SLC30A8: variants seen among roughly 807,000 people sequenced by gnomAD.
SLC30A8 encodes the protein solute carrier family 30 member 8.
Under a neutral mutation model 36.9 loss-of-function variants are expected in SLC30A8, and 27 were observed. The observed-to-expected ratio is 0.73, with a 90% confidence interval of 0.54 to 1.01. The LOEUF (loss-of-function observed/expected upper bound fraction) is 1.01, where lower values mean the gene tolerates loss of function less well. SLC30A8 is among the 50% of genes least tolerant of loss of function. The pLI, the probability that SLC30A8 is intolerant of heterozygous loss-of-function variation, is 0.00. For missense variants in SLC30A8, 439 were observed against 452.0 expected (o/e 0.97, Z 0.26); for synonymous variants, 164 against 172.4 (o/e 0.95, Z 0.38).
At chr8:116,974,512 A>G (rs577857305) in intron 1 of SLC30A8, among the ~76,000 whole-genome samples, 3 of 152,260 alleles carry the variant, frequency 2.0e-5, no homozygotes, top group Admixed American at 6.5e-5. Flanking sequence ...AGTTAGAATG[A>G]TGATCATTAA....
chr8:116,976,661 A>T (rs1815022915), intron 1 of SLC30A8, among the ~76,000 whole-genome samples: 1 of 152,098 alleles, frequency 6.6e-6, no homozygotes, highest in Admixed American at 6.5e-5. Context: ...CGCAGAGGGC[A>T]ATTGACAGGG....
At chr8:117,045,778 T>G (rs777542340) in intron 2 of SLC30A8, among the ~76,000 whole-genome samples, 10 of 152,206 alleles carry the variant, frequency 6.6e-5, no homozygotes, top group Admixed American at 2.0e-4. Context: ...ACAAGCCATC[T>G]GTTTGTTTAA....
chr8:117,122,973 C>T (rs928539751), intron 2 of SLC30A8, among the ~76,000 whole-genome samples: 4 of 152,020 alleles, frequency 2.6e-5, no homozygotes, highest in Non-Finnish European at 5.9e-5. Flanking sequence ...ATATACACTG[C>T]ACTGGAGAGG....
At chr8:117,172,256 T>C (rs575287294) in intron 7 of SLC30A8, among the ~76,000 whole-genome samples, 2 of 152,158 alleles carry the variant, frequency 1.3e-5, no homozygotes, top group Non-Finnish European at 2.9e-5. Context: ...TTCCAGGGCT[T>C]GTCTCCCCTT....
intron 1 of SLC30A8, among the ~76,000 whole-genome samples, chr8:116,999,757 T>C (rs1335671987): frequency 6.6e-6 from 1 of 152,184 alleles, no homozygotes; most frequent in East Asian, 1.9e-4. Context: ...TGACATAGGC[T>C]TTAAAATAAT....
At chr8:116,989,839 A>G (rs1007545747) in intron 1 of SLC30A8, among the ~76,000 whole-genome samples, 1 of 152,206 alleles carries the variant, frequency 6.6e-6, no homozygotes, top group Non-Finnish European at 1.5e-5. Context: ...CAGTCTTCTG[A>G]TCACATTTGC....
At chr8:117,024,926 A>G (rs565148310) in intron 1 of SLC30A8, among the ~76,000 whole-genome samples, 2 of 152,256 alleles carry the variant, frequency 1.3e-5, no homozygotes, top group South Asian at 2.1e-4. Flanking sequence ...TATTAAGCCC[A>G]GTATCCATTA....
At chr8:117,171,901 CTG>C (rs960874642) in intron 7 of SLC30A8, among the ~76,000 whole-genome samples, 9 of 152,202 alleles carry the variant, frequency 5.9e-5, no homozygotes, top group East Asian at 5.8e-4. Context: ...CATTTGAAAA[CTG>C]TGCTTTCTCA....
chr8:117,112,881 A>G (rs763511143), intron 2 of SLC30A8, among the ~76,000 whole-genome samples: 31 of 152,156 alleles, frequency 2.0e-4, no homozygotes, highest in Non-Finnish European at 3.5e-4. Context: ...TCTTTGTTTC[A>G]TTGACTGTTG....
intron 1 of SLC30A8, among the ~76,000 whole-genome samples, chr8:117,143,180 A>G (rs1359332646): frequency 6.6e-6 from 1 of 152,178 alleles, no homozygotes; most frequent in Non-Finnish European, 1.5e-5. Flanking sequence ...AAAAAATAAA[A>G]GCTTCTCCAA....
chr8:117,170,952 A>G, intron 6 of SLC30A8, 82 bp from the exon 7 acceptor site: 1 of 1,246,944 alleles, frequency 8.0e-7, no homozygotes. Flanking sequence ...AATTTTGGTG[A>G]GGACTTTGCA....
intron 2 of SLC30A8, among the ~76,000 whole-genome samples, chr8:117,149,963 C>G (rs1822096327): frequency 6.6e-6 from 1 of 152,152 alleles, no homozygotes; most frequent in African/African-American, 2.4e-5. Context: ...CGCCAGTGAA[C>G]CTCATGTGCA....
intron 1 of SLC30A8, among the ~76,000 whole-genome samples, chr8:117,023,848 T>C (rs538780556): frequency 6.6e-6 from 1 of 152,018 alleles, no homozygotes; most frequent in African/African-American, 2.4e-5. Flanking sequence ...TGTGCACATG[T>C]ACCCTAAAAC....
chr8:116,958,285 A>G (rs1655836102), intron 1 of SLC30A8, among the ~76,000 whole-genome samples: 2 of 151,802 alleles, frequency 1.3e-5, no homozygotes, highest in South Asian at 4.2e-4. Context: ...TGTTTTGTAT[A>G]GACCCATGTT....
At chr8:117,037,039 A>C (rs1413952750) in intron 1 of SLC30A8, among the ~76,000 whole-genome samples, 2 of 152,252 alleles carry the variant, frequency 1.3e-5, no homozygotes, top group East Asian at 3.9e-4. Context: ...ATTTTTTTTC[A>C]TGTTAGGAAG....
chr8:117,100,417 A>G (rs907691030), intron 2 of SLC30A8, among the ~76,000 whole-genome samples: 5 of 152,122 alleles, frequency 3.3e-5, no homozygotes, highest in Admixed American at 6.5e-5. Flanking sequence ...GAACATAACC[A>G]CTTTTTTCCA....
intron 3 of SLC30A8, among the ~76,000 whole-genome samples, chr8:117,153,780 CTG>C (rs1463530132): frequency 1.3e-5 from 2 of 149,640 alleles, no homozygotes; most frequent in Admixed American, 6.7e-5. Context: ...GCTCAGTTGA[CTG>C]TTGTAACAGG....
chr8:117,112,359 C>A (rs77646587), intron 2 of SLC30A8, among the ~76,000 whole-genome samples: 3 of 152,236 alleles, frequency 2.0e-5, no homozygotes, highest in Non-Finnish European at 4.4e-5. Context: ...TAATAAAGCC[C>A]TTTATTTCAT....
intron 2 of SLC30A8, among the ~76,000 whole-genome samples, chr8:117,151,480 G>A (rs1009481009): frequency 1.3e-5 from 2 of 152,216 alleles, no homozygotes; most frequent in Non-Finnish European, 2.9e-5. Flanking sequence ...GTGACTGCCC[G>A]CAGTTTTCTG....
Sources: allele counts gnomAD v4.1 joint callset (sites outside exome capture counted in the v4.1 genomes callset), GRCh38; gene constraint gnomAD v4.1.1; transcripts MANE v1.5; gene names NCBI Gene and HGNC (gene_info 2026-07-23, HGNC 2026-07-21).